Variants in MUSK observed in about 807,000 individuals in gnomAD.
The protein encoded by MUSK is muscle, skeletal receptor tyrosine-protein kinase.
In MUSK, 55 loss-of-function variants were observed where a neutral mutation model predicts 88.7. That is an observed-to-expected ratio of 0.62 (90% CI 0.50 to 0.78). The LOEUF is 0.78. Ranked by LOEUF, MUSK falls within the 30% of genes least tolerant of loss-of-function variation. The pLI is 0.00. For missense variants in MUSK, 1,015 were observed against 1,074.3 expected (o/e 0.94, Z 0.77); for synonymous variants, 387 against 391.9 (o/e 0.99, Z 0.15).
intron 5 of MUSK, among the ~76,000 whole-genome samples, chr9:110,717,125 C>A (rs1564241810): frequency 6.7e-6 from 1 of 149,292 alleles, no homozygotes; most frequent in Admixed American, 6.6e-5. Context: ...AAATTTATTT[C>A]TATTATTCTT....
chr9:110,711,887 T>G (rs1397561554), intron 5 of MUSK, among the ~76,000 whole-genome samples: 1 of 152,208 alleles, frequency 6.6e-6, no homozygotes, highest in Non-Finnish European at 1.5e-5. Context: ...CTGTGTTGTG[T>G]GATTCCAATT....
chr9:110,755,362 C>G (rs2077297288), intron 7 of MUSK, among the ~76,000 whole-genome samples: 2 of 152,138 alleles, frequency 1.3e-5, no homozygotes. Context: ...GATTGCAGAA[C>G]AACTATGAAT....
intron 2 of MUSK, among the ~76,000 whole-genome samples, chr9:110,683,270 T>C (rs764318402): frequency 1.3e-5 from 2 of 152,138 alleles, no homozygotes; most frequent in Non-Finnish European, 2.9e-5. Flanking sequence ...TTTAACATAA[T>C]GATCTCCAGT....
At chr9:110,786,902 C>A (rs2077876720) in intron 13 of MUSK, among the ~76,000 whole-genome samples, 1 of 152,150 alleles carries the variant, frequency 6.6e-6, no homozygotes, top group African/African-American at 2.4e-5. Context: ...TTAATCTCCA[C>A]CCATGGTGGC....
At chr9:110,700,097 C>T (rs992306570) in intron 5 of MUSK, among the ~76,000 whole-genome samples, 6 of 152,130 alleles carry the variant, frequency 3.9e-5, no homozygotes, top group East Asian at 3.9e-4. Flanking sequence ...AATGTTCAAA[C>T]GGTGACATAC....
intron 5 of MUSK, among the ~76,000 whole-genome samples, chr9:110,719,048 C>T (rs2076779047): frequency 6.6e-6 from 1 of 152,026 alleles, no homozygotes; most frequent in African/African-American, 2.4e-5. Context: ...CACCACAAAG[C>T]CAGCACTACA....
At chr9:110,670,197 C>A (rs931811347) in intron 1 of MUSK, among the ~76,000 whole-genome samples, 3 of 152,032 alleles carry the variant, frequency 2.0e-5, no homozygotes, top group African/African-American at 7.2e-5. Flanking sequence ...CTAATGAATA[C>A]TTTAAGGCAT....
At chr9:110,711,117 G>A (rs2076664157) in intron 5 of MUSK, among the ~76,000 whole-genome samples, 1 of 152,126 alleles carries the variant, frequency 6.6e-6, no homozygotes, top group South Asian at 2.1e-4. Flanking sequence ...GGGGAGAGGG[G>A]AGGGATAGAT....
intron 7 of MUSK, among the ~76,000 whole-genome samples, chr9:110,761,116 C>T (rs1446344795): frequency 6.6e-6 from 1 of 151,938 alleles, no homozygotes; most frequent in Non-Finnish European, 1.5e-5. Context: ...TTTTAATTTA[C>T]AAGAAAGAAA....
chr9:110,736,792 C>T (rs1316950727), intron 6 of MUSK, among the ~76,000 whole-genome samples: 1 of 152,022 alleles, frequency 6.6e-6, no homozygotes, highest in Non-Finnish European at 1.5e-5. Context: ...GAGAATTTTG[C>T]TTGTTTCTGC....
chr9:110,778,591 T>C (rs2077704830), intron 11 of MUSK, among the ~76,000 whole-genome samples: 1 of 152,078 alleles, frequency 6.6e-6, no homozygotes, highest in Non-Finnish European at 1.5e-5. Context: ...AATTAAGTAC[T>C]ATGAACGTCC....
At chr9:110,776,849 C>T (rs1382302901) in intron 11 of MUSK, among the ~76,000 whole-genome samples, 194 bp downstream of exon 11, 2 of 152,030 alleles carry the variant, frequency 1.3e-5, no homozygotes, top group Admixed American at 1.3e-4. Flanking sequence ...TTAATTAGAC[C>T]GTAGAGAGTA....
At chr9:110,712,094 G>T (rs1564238453) in intron 5 of MUSK, among the ~76,000 whole-genome samples, 1 of 150,582 alleles carries the variant, frequency 6.6e-6, no homozygotes, top group Non-Finnish European at 1.5e-5. Flanking sequence ...TTTTCACCTG[G>T]TTGCAACACT....
intron 5 of MUSK, among the ~76,000 whole-genome samples, chr9:110,720,335 A>T (rs994515460): frequency 6.6e-6 from 1 of 152,260 alleles, no homozygotes; most frequent in Middle Eastern, 3.4e-3. Flanking sequence ...TAAAATCGAT[A>T]GACCATTAGC....
At position 110,803,431 on chromosome 9, in the gene MUSK, C is replaced by G. The variant is rs188099671; in HGVS notation, c.*2443C>G. ...TCACAGAGAGATTGTGCAACTGGCCCGAGTGCACACAGCAACAGAGCCTAC... is the reference window on the plus strand; with the variant it reads ...TCACAGAGAGATTGTGCAACTGGCCGGAGTGCACACAGCAACAGAGCCTAC... On this transcript the variant is annotated 3_prime_UTR_variant, in exon 15 of 15. Coordinates refer to ENST00000374448, the MANE Select transcript of MUSK (RefSeq NM_005592.4). Among the ~76,000 whole-genome samples, 573 of 152,262 alleles carry G rather than the reference C, an allele frequency of 3.8e-3. 1 individual carries two copies. Among genetic ancestry groups the G allele is most frequent in the Non-Finnish European group, 6.5e-3 (439 of 68,012 alleles).
chr9:110,784,851 A>G lies in MUSK; in HGVS notation c.1421A>G (p.Asp474Gly), dbSNP rs2132022775. ...PPMTSSKPSVDIPNLPSSSSS... is the reference protein window; with the variant it reads ...PPMTSSKPSVGIPNLPSSSSS... ...ATGACGTCCTCAAAGCCAAGTGTGG[A>G]CATTCCAAATCTGCCTTCCTCCTCC... The change falls in exon 12 of 15, where the codon GAC (aspartate) becomes GGC (glycine). Residue 474 changes from aspartate to glycine, a missense_variant. By Grantham distance (94) the Asp-to-Gly change is moderately conservative. Coordinates refer to ENST00000374448, the MANE Select transcript of MUSK (RefSeq NM_005592.4). 6.2e-7 allele frequency: 1 copy of G among 1,613,822 alleles called. No homozygotes were observed. The highest frequency in any genetic ancestry group is 2.2e-5 in the East Asian group (1 of 44,872).
intron 5 of MUSK, among the ~76,000 whole-genome samples, chr9:110,723,264 T>C (rs7469397): frequency 3.7e-3 from 246 of 66,890 alleles, no homozygotes; most frequent in African/African-American, 8.7e-3. Flanking sequence ...CACACACACA[T>C]ACATACCATG....
intron 6 of MUSK, among the ~76,000 whole-genome samples, chr9:110,736,590 A>G (rs1426516501): frequency 6.6e-6 from 1 of 152,000 alleles, no homozygotes; most frequent in Non-Finnish European, 1.5e-5. Flanking sequence ...CATTTAGACA[A>G]CTTTGCTTTT....
rs2075958329 is a variant in MUSK at position 110,671,657 on chromosome 9, A to G, written c.79+2674A>G. On this transcript the variant is annotated intron_variant, in intron 1 of 14. Coordinates refer to ENST00000374448, the MANE Select transcript of MUSK (RefSeq NM_005592.4). ...AATCATTTCAACTAGTGATATTTTC[A>G]ATGATGAATTCAGTGCCATAACCCA... Among the ~76,000 whole-genome samples the G allele has an allele frequency of 3.9e-5, 6 of 152,206 alleles. No homozygotes were observed. In the South Asian group the frequency reaches 1.2e-3, roughly 31 times the overall value.
Sources: allele counts gnomAD v4.1 joint callset (sites outside exome capture counted in the v4.1 genomes callset), GRCh38; gene constraint gnomAD v4.1.1; transcripts MANE v1.5; gene names NCBI Gene and HGNC (gene_info 2026-07-23, HGNC 2026-07-21).